Variants in SNAPC3 observed in about 807,000 individuals in gnomAD.
The protein encoded by SNAPC3 is small nuclear RNA activating complex polypeptide 3.
In SNAPC3, 56 loss-of-function variants were observed where a neutral mutation model predicts 47.7. That is an observed-to-expected ratio of 1.18 (90% CI 0.95 to 1.47). The LOEUF (loss-of-function observed/expected upper bound fraction) is 1.47. SNAPC3 is among the 40% of genes most tolerant of loss of function. The probability of loss-of-function intolerance (pLI) is 0.00; values close to 1 mark genes in which losing one functional copy is unlikely to be tolerated. For synonymous variants in SNAPC3, 235 were observed against 189.9 expected (o/e 1.24, Z -1.95); for missense variants, 665 against 511.3 (o/e 1.30, Z -2.90).
chr9:15,462,525 G>A (rs572967418), downstream of SNAPC3: 2 of 152,296 alleles, frequency 1.3e-5, no homozygotes, highest in South Asian at 2.1e-4. Context: ...TAACACGCCT[G>A]TCAAATTACA....
At chr9:15,466,677 T>A, downstream of SNAPC3, 1 of 1,220,792 alleles carries the variant, frequency 8.2e-7, no homozygotes, top group Admixed American at 2.4e-5. Flanking sequence ...TAAGATAACC[T>A]TGGAACAGAA....
intron 4 of SNAPC3, among the ~76,000 whole-genome samples, chr9:15,445,834 A>G (rs2033886243): frequency 6.6e-6 from 1 of 152,134 alleles, no homozygotes; most frequent in South Asian, 2.1e-4. Flanking sequence ...CTGTAGTCCC[A>G]GTTACTAAGG....
chr9:15,424,811 A>C (rs944339919), intron 2 of SNAPC3, among the ~76,000 whole-genome samples: 4 of 152,184 alleles, frequency 2.6e-5, no homozygotes, highest in African/African-American at 9.7e-5. Context: ...TCTTGATCCT[A>C]CGCTATTATC....
intron 3 of SNAPC3, among the ~76,000 whole-genome samples, chr9:15,443,948 C>T (rs2033722822): frequency 6.6e-6 from 1 of 152,148 alleles, no homozygotes; most frequent in South Asian, 2.1e-4. Context: ...TAGTTTATTC[C>T]AGTCTCTCAT....
chr9:15,466,724 G>C (rs906682604), downstream of SNAPC3: 11 of 1,541,654 alleles, frequency 7.1e-6, no homozygotes, highest in Non-Finnish European at 9.8e-6. Flanking sequence ...AAACACACAA[G>C]ACCCATTAAA....
At chr9:15,454,748 T>C (rs200983964) in intron 7 of SNAPC3, among the ~76,000 whole-genome samples, 8 of 152,070 alleles carry the variant, frequency 5.3e-5, no homozygotes, top group Non-Finnish European at 8.8e-5. Context: ...CCATGCTGGC[T>C]AACACAGTGA....
In SNAPC3 at chr9:15,447,134, G is replaced by C. The variant is rs1201073757; in HGVS notation, c.622G>C (p.Gly208Arg). The C allele has an allele frequency of 2.5e-6, 4 of 1,613,812 alleles. No homozygotes were observed. The African/African-American group carries it at 4.0e-5, about 16-fold the overall frequency. The change falls in exon 5 of 9, where the codon GGC (glycine) becomes CGC (arginine). Residue 208 changes from glycine to arginine, a missense_variant. By Grantham distance (125) the Gly-to-Arg change is moderately radical. Transcript: ENST00000380821. Reference protein sequence around the residue: ...HKPYQTMLVLGSQKLTQLRDS... With the variant: ...HKPYQTMLVLRSQKLTQLRDS... ...ACCATACCAAACAATGCTGGTGTTGGGCAGTCAAAAACTCACACAACTGAG... is the reference window on the plus strand; with the variant it reads ...ACCATACCAAACAATGCTGGTGTTGCGCAGTCAAAAACTCACACAACTGAG...
At chr9:15,440,656 T>G (rs987425957) in intron 3 of SNAPC3, among the ~76,000 whole-genome samples, 3 of 152,030 alleles carry the variant, frequency 2.0e-5, no homozygotes, top group Admixed American at 6.5e-5. Flanking sequence ...ATAGATAGAT[T>G]TAAAAAATCA....
chr9:15,427,279 T>C (rs10511611), intron 2 of SNAPC3, among the ~76,000 whole-genome samples: 13,199 of 152,252 alleles, frequency 0.087, 1,922 homozygotes, highest in African/African-American at 0.3. Flanking sequence ...AGATAATTGT[T>C]AATACATGGG....
chr9:15,438,795 T>C (rs2033057792), intron 3 of SNAPC3, among the ~76,000 whole-genome samples: 1 of 152,216 alleles, frequency 6.6e-6, no homozygotes, highest in East Asian at 1.9e-4. Flanking sequence ...ATGGTTCACA[T>C]GCACTTGAGA....
Position 15,423,038 on chromosome 9 carries a change from C to G in SNAPC3, c.159C>G (p.Gly53=), listed in dbSNP as rs970300466. 1.3e-6 allele frequency: 2 copies of G among 1,517,906 alleles called. No homozygotes were observed. Among genetic ancestry groups the G allele is most frequent in the South Asian group, 1.3e-5 (1 of 78,874 alleles). 94.0% of individuals were successfully genotyped at this position (1,517,906 alleles called of 1,614,324 possible). A position where few individuals can be genotyped will look rare whatever the true frequency, so the allele number is the denominator to read the frequency against. The change falls in exon 1 of 9, where the codon GGC becomes GGG. Residue 53 remains glycine (G), a synonymous_variant. Coordinates refer to ENST00000380821, the MANE Select transcript of SNAPC3 (RefSeq NM_001039697.2). The stretch of plus-strand genomic sequence containing the variant: ...GCGCCTTTGGGGAGCTGTGGCGGGG[C>G]CGTCTGCGCGGGGCCGGGGACTTGT... The part of the protein sequence containing the change: ...HVGAFGELWR[G]RLRGAGDLSL...
intron 3 of SNAPC3, among the ~76,000 whole-genome samples, chr9:15,440,324 A>G (rs1020277960): frequency 6.6e-6 from 1 of 152,146 alleles, no homozygotes; most frequent in African/African-American, 2.4e-5. Flanking sequence ...TTTTCATTTC[A>G]GCCTGAAGAA....
At chr9:15,450,733 G>T (rs1430029114) in intron 5 of SNAPC3, among the ~76,000 whole-genome samples, 1 of 152,182 alleles carries the variant, frequency 6.6e-6, no homozygotes, top group Non-Finnish European at 1.5e-5. Context: ...GTTGACACTT[G>T]TGTTTGGTGT....
At chr9:15,438,412 A>AAG (rs1212893676) in intron 3 of SNAPC3, among the ~76,000 whole-genome samples, 2 of 152,092 alleles carry the variant, frequency 1.3e-5, no homozygotes, top group African/African-American at 4.8e-5. Context: ...GATGTTTTCA[A>AAG]AGAACCAGCT....
chr9:15,448,380 T>G (rs764703287), intron 5 of SNAPC3, among the ~76,000 whole-genome samples: 1 of 152,008 alleles, frequency 6.6e-6, no homozygotes, highest in Non-Finnish European at 1.5e-5. Flanking sequence ...GTACCATACT[T>G]TTTCATGTCT....
At chr9:15,457,454 G>A (rs977896968) in intron 7 of SNAPC3, among the ~76,000 whole-genome samples, 2 of 152,098 alleles carry the variant, frequency 1.3e-5, no homozygotes, top group Non-Finnish European at 2.9e-5. Flanking sequence ...AATTATCTGG[G>A]TGTGGTGGTG....
chr9:15,458,082 A>ATTTTT lies in SNAPC3; in HGVS notation c.1088+22_1088+26dup, dbSNP rs35960449. 2.6e-5 allele frequency: 26 copies of ATTTTT among 981,348 alleles called. No homozygotes were observed. The highest frequency in any genetic ancestry group is 1.6e-4 in the South Asian group (9 of 57,876). The allele number at this position is 981,348 out of a possible 1,614,324, so 60.8% of individuals were successfully genotyped here. ...TATACAGCCAGGTGAGTGATAATGT[A>ATTTTT]TTTTTTTTTTTCTCTGAGAAATGGC... On this transcript the variant is annotated intron_variant, in intron 8 of 8. Transcript: ENST00000380821.
At position 15,423,151 on chromosome 9, in the gene SNAPC3, A is replaced by G. The variant is rs772483346; in HGVS notation, c.272A>G (p.Asp91Gly). 2 of 1,574,986 alleles carry G rather than the reference A, an allele frequency of 1.3e-6. No homozygotes were observed. Among genetic ancestry groups the G allele is most frequent in the East Asian group, 2.3e-5 (1 of 43,038 alleles). Residue 91 changes from aspartate (D) to glycine (G), a missense_variant, in exon 1 of 9, where the codon GAC (aspartate) becomes GGC (glycine). Transcript: ENST00000380821. The part of the protein sequence containing the change: ...REDAAVARDL[D>G]CSLEAAAELR... ...GATGCCGCGGTGGCCAGGGATCTGGACTGCAGCCTGGAGGCGGCGGCTGAG... is the reference window on the plus strand; with the variant it reads ...GATGCCGCGGTGGCCAGGGATCTGGGCTGCAGCCTGGAGGCGGCGGCTGAG...
chr9:15,450,071 C>A (rs752131582), intron 5 of SNAPC3, among the ~76,000 whole-genome samples: 5 of 151,612 alleles, frequency 3.3e-5, no homozygotes, highest in African/African-American at 1.2e-4. Context: ...TATTTTGGAC[C>A]CTGCTTACCT....
Sources: gnomAD v4.1 joint callset for allele counts (sites outside exome capture counted in the v4.1 genomes callset) on GRCh38, gnomAD v4.1.1 for gene constraint, MANE v1.5 for transcripts, NCBI Gene and HGNC (gene_info 2026-07-23, HGNC 2026-07-21) for gene names.